Variants in SLC25A48 observed in about 807,000 individuals in gnomAD.
SLC25A48 encodes the protein solute carrier family 25 member 48.
SLC25A48 carries 29 observed loss-of-function variants against 32.2 expected under a neutral mutation model. The ratio of observed to expected loss-of-function variants is 0.90; its 90% CI spans 0.67 to 1.23. The LOEUF (loss-of-function observed/expected upper bound fraction) is 1.23, where lower values mean the gene tolerates loss of function less well. Ranked by LOEUF, SLC25A48 falls within the 50% of genes most tolerant of loss-of-function variation. The pLI, the probability that SLC25A48 is intolerant of heterozygous loss-of-function variation, is 0.00. For missense variants in SLC25A48, 399 were observed against 422.7 expected (o/e 0.94, Z 0.49); for synonymous variants, 164 against 172.3 (o/e 0.95, Z 0.38).
intron 6 of SLC25A48, chr5:135,874,652 C>G: frequency 1.4e-6 from 1 of 699,676 alleles, no homozygotes; most frequent in South Asian, 1.5e-5. Context: ...GACCTCTGGT[C>G]GTGGCTGAGG....
At chr5:135,589,674 T>A (rs1314345639) in intron 1 of SLC25A48, among the ~76,000 whole-genome samples, 1 of 151,792 alleles carries the variant, frequency 6.6e-6, no homozygotes, top group Admixed American at 6.6e-5. Context: ...AGATGCATTT[T>A]AATTAATTAA....
chr5:135,585,613 G>T (rs545695136), intron 1 of SLC25A48, among the ~76,000 whole-genome samples: 18 of 152,182 alleles, frequency 1.2e-4, no homozygotes, highest in Non-Finnish European at 1.8e-4. Flanking sequence ...GCTCAATGAA[G>T]AAATGATTGA....
intron 3 of SLC25A48, among the ~76,000 whole-genome samples, chr5:135,763,101 A>G (rs1580851377): frequency 6.6e-6 from 1 of 152,030 alleles, no homozygotes; most frequent in South Asian, 2.1e-4. Context: ...CAGGCATGGG[A>G]GTCATCCAGG....
At chr5:135,797,190 T>A (rs1175012529) in intron 3 of SLC25A48, among the ~76,000 whole-genome samples, 1 of 151,902 alleles carries the variant, frequency 6.6e-6, no homozygotes, top group Admixed American at 6.6e-5. Flanking sequence ...ACTCCCAATA[T>A]CGCAGTGGGT....
intron 3 of SLC25A48, among the ~76,000 whole-genome samples, chr5:135,808,234 T>C (rs1302087461): frequency 6.6e-6 from 1 of 150,446 alleles, no homozygotes; most frequent in African/African-American, 2.4e-5. Context: ...TAACACTGTA[T>C]TAACACTTGA....
rs183675075 is a variant in SLC25A48, at chr5:135,860,688, T to C, written c.421+7867T>C. 1.7e-3 allele frequency among the ~76,000 whole-genome samples: 254 copies of C among 152,358 alleles called. 1 individual carries two copies. Among genetic ancestry groups the C allele is most frequent in the African/African-American group, 5.8e-3 (243 of 41,584 alleles). On this transcript the variant is annotated intron_variant, in intron 4 of 7. Transcript: ENST00000681962. ...TGGGGCTGGCTGCAGTCCTGTGGTC[T>C]GCGCCCTGGGTCAGTCCCAATCCAT...
chr5:135,618,050 C>A (rs1254903428), intron 1 of SLC25A48, among the ~76,000 whole-genome samples: 1 of 151,022 alleles, frequency 6.6e-6, no homozygotes, highest in Non-Finnish European at 1.5e-5. Context: ...TGAAGTCTGT[C>A]TATCCCTTTA....
rs79504014 is a variant in SLC25A48 at position 135,818,554 on chromosome 5, C to T, written c.-117+5628C>T. ...GCACCACTGTAGACGAAAGACAAGACAGAACTTGCAGCTCAAACCTAACTA... is the reference window on the plus strand; with the variant it reads ...GCACCACTGTAGACGAAAGACAAGATAGAACTTGCAGCTCAAACCTAACTA... On this transcript the variant is annotated intron_variant, in intron 4 of 10. Coordinates refer to the SLC25A48 transcript ENST00000646290. 8.1e-3 allele frequency among the ~76,000 whole-genome samples: 1,237 copies of T among 152,302 alleles called. 8 individuals carry two copies. Among genetic ancestry groups the T allele is most frequent in the African/African-American group, 0.026 (1,078 of 41,564 alleles).
intron 3 of SLC25A48, among the ~76,000 whole-genome samples, chr5:135,743,633 A>T (rs539934292): frequency 6.6e-6 from 1 of 152,338 alleles, no homozygotes; most frequent in African/African-American, 2.4e-5. Flanking sequence ...TACTGCTCAA[A>T]TTCAAGTGAA....
intron 6 of SLC25A48, among the ~76,000 whole-genome samples, chr5:135,879,147 C>T (rs1762256727): frequency 6.6e-6 from 1 of 152,136 alleles, no homozygotes; most frequent in Admixed American, 6.5e-5. Flanking sequence ...AGTTCATCAG[C>T]TCATCAGCAC....
chr5:135,861,113 G>A (rs1260043745), intron 4 of SLC25A48, among the ~76,000 whole-genome samples: 2 of 152,144 alleles, frequency 1.3e-5, no homozygotes, highest in Non-Finnish European at 2.9e-5. Context: ...ACACATTAAT[G>A]TGTTTATTTT....
rs376438062 is a variant in SLC25A48 at position 135,835,867 on chromosome 5, CG to C, written c.46+976del. The stretch of plus-strand genomic sequence containing the variant: ...CAGGAGACCACCTCTCTCCCGAGAC[CG>C]GTGGCTGCAGGGCCCTGCTTCACAC... On this transcript the variant is annotated intron_variant, in intron 1 of 7. Coordinates refer to ENST00000681962, the MANE Select transcript of SLC25A48 (RefSeq NM_001349336.2). Among the ~76,000 whole-genome samples the C allele has an allele frequency of 2.0e-3, 306 of 152,214 alleles. 1 individual carries two copies. Among genetic ancestry groups the C allele is most frequent in the African/African-American group, 6.9e-3 (285 of 41,548 alleles).
At chr5:135,607,563 A>G (rs987594188) in intron 1 of SLC25A48, among the ~76,000 whole-genome samples, 22 of 152,234 alleles carry the variant, frequency 1.4e-4, no homozygotes, top group Non-Finnish European at 3.1e-4. Context: ...TGCTTCAATC[A>G]GAAAAGTGTA....
intron 3 of SLC25A48, among the ~76,000 whole-genome samples, chr5:135,647,916 T>C (rs896790279): frequency 9.9e-5 from 15 of 152,116 alleles, no homozygotes; most frequent in African/African-American, 3.6e-4. Flanking sequence ...CTTTGTTTCA[T>C]TTCCTGCCTT....
intron 1 of SLC25A48, among the ~76,000 whole-genome samples, chr5:135,598,139 T>A (rs551076296): frequency 6.6e-6 from 1 of 152,202 alleles, no homozygotes; most frequent in African/African-American, 2.4e-5. Context: ...CTAGGATGAC[T>A]GCAAGTGATC....
At chr5:135,845,185 C>A (rs562851427) in intron 2 of SLC25A48, among the ~76,000 whole-genome samples, 1 of 152,248 alleles carries the variant, frequency 6.6e-6, no homozygotes, top group African/African-American at 2.4e-5. Flanking sequence ...CCAGTGCCTG[C>A]TGCAGTGCTC....
At chr5:135,817,128 C>T (rs1757739889) in intron 4 of SLC25A48, among the ~76,000 whole-genome samples, 1 of 152,164 alleles carries the variant, frequency 6.6e-6, no homozygotes, top group Admixed American at 6.5e-5. Context: ...GCCAATTTCC[C>T]CCCCAGGGAA....
At chr5:135,655,947 T>C (rs1753236199) in intron 3 of SLC25A48, among the ~76,000 whole-genome samples, 1 of 152,152 alleles carries the variant, frequency 6.6e-6, no homozygotes, top group Non-Finnish European at 1.5e-5. Flanking sequence ...TCATCATTAT[T>C]CCCCACTGAC....
intron 3 of SLC25A48, among the ~76,000 whole-genome samples, chr5:135,676,730 A>G (rs7726362): frequency 0.75 from 114,407 of 151,822 alleles, 43,595 homozygotes; most frequent in Middle Eastern, 0.86. Context: ...GGGGTTATTC[A>G]GGAGCATGTT....
Sources: gnomAD v4.1 joint callset for allele counts (sites outside exome capture counted in the v4.1 genomes callset) on GRCh38, gnomAD v4.1.1 for gene constraint, MANE v1.5 for transcripts, NCBI Gene and HGNC (gene_info 2026-07-23, HGNC 2026-07-21) for gene names.